Variants in GIGYF2 observed in about 807,000 individuals in gnomAD.
The protein encoded by GIGYF2 is GRB10-interacting GYF protein 2.
Under a neutral mutation model 208.1 loss-of-function variants are expected in GIGYF2, and 25 were observed. The ratio of observed to expected loss-of-function variants is 0.12; its 90% CI spans 0.09 to 0.17. The LOEUF is 0.17. GIGYF2 is among the 10% of genes least tolerant of loss of function. The pLI is 1.00. For synonymous variants in GIGYF2, 534 were observed against 543.8 expected (o/e 0.98, Z 0.25); for missense variants, 1,302 against 1,579.4 (o/e 0.82, Z 2.98).
At chr2:232,776,329 A>T in intron 8 of GIGYF2, 1 of 727,966 alleles carries the variant, frequency 1.4e-6, no homozygotes, top group Non-Finnish European at 2.4e-6. Context: ...ACTATAGATA[A>T]TGTCTTTGTT....
chr2:232,833,594 A>G (rs938749358), intron 22 of GIGYF2, among the ~76,000 whole-genome samples: 3 of 152,240 alleles, frequency 2.0e-5, no homozygotes, highest in East Asian at 3.8e-4. Flanking sequence ...ATGAGCAGCA[A>G]TGCAGGCAAA....
In GIGYF2 at chr2:232,844,077, C is replaced by T. The variant is rs773310931; in HGVS notation, c.2921C>T (p.Ala974Val). The change falls in exon 24 of 29, where the codon GCT becomes GTT. Residue 974 changes from alanine to valine, a missense_variant. By Grantham distance (64) the Ala-to-Val change is moderately conservative (BLOSUM62 0). Around this residue, in one of 8 missense-constraint regions of GIGYF2, gnomAD observed 701 missense variants for 793.0 expected, o/e 0.88. Transcript: ENST00000373563. ...CGCCAGCAGAGGGAGTTGATGAAAGCTCTTCAGCAGCAGCAGCAACAGCAA... is the reference window on the plus strand; with the variant it reads ...CGCCAGCAGAGGGAGTTGATGAAAGTTCTTCAGCAGCAGCAGCAACAGCAA... ...QRRQQRELMKALQQQQQQQQQ... is the reference protein window; with the variant it reads ...QRRQQRELMKVLQQQQQQQQQ... The T allele has an allele frequency of 1.2e-6, 2 of 1,611,942 alleles. No homozygotes were observed. The highest frequency in any genetic ancestry group is 1.7e-5 in the Admixed American group (1 of 59,914).
chr2:232,851,331 G>A lies in GIGYF2; in HGVS notation c.3832+922G>A, dbSNP rs1574955699. Among the ~76,000 whole-genome samples, 3 of 152,246 alleles carry A rather than the reference G, an allele frequency of 2.0e-5. No individual in the cohort carries two copies. In the South Asian group the frequency reaches 6.2e-4, roughly 32 times the overall value. On this transcript the variant is annotated intron_variant, in intron 28 of 28. Transcript: ENST00000373563. ...TCTGAATTTGGGCTTTGAAAGAATG[G>A]CAGAAAGGATGGGGAATATTGTTTC... is the stretch of plus-strand genomic sequence containing the variant.
At chr2:232,787,597 TTTCA>T (rs1699954996) in intron 9 of GIGYF2, among the ~76,000 whole-genome samples, 1 of 152,050 alleles carries the variant, frequency 6.6e-6, no homozygotes, top group South Asian at 2.1e-4. Context: ...GAAATGAGGG[TTTCA>T]TTCAGTTTTG....
chr2:232,768,921 C>T, intron 8 of GIGYF2: 1 of 950,498 alleles, frequency 1.1e-6, no homozygotes, highest in South Asian at 1.8e-5. Context: ...TGGTGCCATG[C>T]CTTTCAGTGA....
intron 3 of GIGYF2, among the ~76,000 whole-genome samples, chr2:232,746,093 A>T (rs1312648628): frequency 6.6e-6 from 1 of 152,100 alleles, no homozygotes; most frequent in Non-Finnish European, 1.5e-5. Flanking sequence ...CCCTGTCTCT[A>T]CAGAAAATAC....
At chr2:232,762,527 A>G (rs1698788403) in intron 8 of GIGYF2, among the ~76,000 whole-genome samples, 1 of 152,130 alleles carries the variant, frequency 6.6e-6, no homozygotes, top group South Asian at 2.1e-4. Context: ...CTGGAATTAC[A>G]GGCATGAGCC....
In GIGYF2 at chr2:232,794,837, C is replaced by G. The variant is rs1238188893; in HGVS notation, c.1372C>G (p.Pro458Ala). Residue 458 changes from proline (P) to alanine (A), a missense_variant, in exon 13 of 29, where the codon CCT (proline) becomes GCT (alanine). By Grantham distance (27) the Pro-to-Ala change is conservative. Transcript: ENST00000373563. ...CATACTTCCACCTCCTGTTCCCAATCCTAGTCCTACTCTCCGGCCAGTTGA... is the reference window on the plus strand; with the variant it reads ...CATACTTCCACCTCCTGTTCCCAATGCTAGTCCTACTCTCCGGCCAGTTGA... ...LLILPPPVPN[P>A]SPTLRPVETP... The G allele has an allele frequency of 1.2e-6, 2 of 1,613,632 alleles. No individual in the cohort carries two copies. The highest frequency in any genetic ancestry group is 1.7e-6 in the Non-Finnish European group (2 of 1,179,674).
chr2:232,708,816 CA>C (rs1327557571), intron 2 of GIGYF2, among the ~76,000 whole-genome samples: 37 of 144,534 alleles, frequency 2.6e-4, no homozygotes, highest in African/African-American at 5.6e-4. Flanking sequence ...GACTCTGTCT[CA>C]AAAAAAAAAA....
rs397840384 is a variant in GIGYF2 at position 232,811,232 on chromosome 2, T to TA, written c.1899-11dup. On this transcript the variant is annotated splice_polypyrimidine_tract_variant and intron_variant, in intron 16 of 28. Transcript: ENST00000373563. ...GATTGACAGGTTATACTTTTTTTTT[T>TA]ACTTTTTGAAGACAACAATATGCAC... 1.4e-6 allele frequency: 2 copies of TA among 1,474,886 alleles called. No individual in the cohort carries two copies. The highest frequency in any genetic ancestry group is 4.5e-5 in the East Asian group (2 of 44,198). 91.4% of individuals were successfully genotyped at this position (1,474,886 alleles called of 1,614,324 possible).
intron 8 of GIGYF2, among the ~76,000 whole-genome samples, chr2:232,779,718 ACACTG>A (rs1345344437): frequency 6.6e-6 from 1 of 152,176 alleles, no homozygotes; most frequent in Non-Finnish European, 1.5e-5. Flanking sequence ...AGATTCTGAT[ACACTG>A]CAGTTTCTCC....
At chr2:232,754,967 A>C (rs558422878) in intron 5 of GIGYF2, among the ~76,000 whole-genome samples, 5 of 152,226 alleles carry the variant, frequency 3.3e-5, no homozygotes, top group African/African-American at 1.2e-4. Context: ...TTCTGAAAAA[A>C]CTAGCTAGGA....
At chr2:232,791,645 G>T (rs73102274) in intron 12 of GIGYF2, among the ~76,000 whole-genome samples, 199 bp downstream of exon 12, 1 of 152,160 alleles carries the variant, frequency 6.6e-6, no homozygotes, top group Admixed American at 6.5e-5. Context: ...AACAGAGTTC[G>T]AATCTGCAAG....
At chr2:232,738,904 T>C (rs1219758291) in intron 3 of GIGYF2, among the ~76,000 whole-genome samples, 1 of 152,336 alleles carries the variant, frequency 6.6e-6, no homozygotes, top group East Asian at 1.9e-4. Context: ...TCCTGTGTGT[T>C]TGCTCTTGAC....
chr2:232,758,362 T>A (rs1224827984), intron 6 of GIGYF2, among the ~76,000 whole-genome samples: 5 of 152,162 alleles, frequency 3.3e-5, no homozygotes, highest in Non-Finnish European at 7.4e-5. Flanking sequence ...GTCATTTTAT[T>A]TGGTTAGGTT....
chr2:232,717,093 C>T (rs7591176), intron 2 of GIGYF2, among the ~76,000 whole-genome samples: 1 of 151,766 alleles, frequency 6.6e-6, no homozygotes, highest in Non-Finnish European at 1.5e-5. Context: ...GGATTACAGG[C>T]GTGAGCCACC....
At chr2:232,817,125 C>T in intron 20 of GIGYF2, 93 bp downstream of exon 20, 1 of 981,456 alleles carries the variant, frequency 1.0e-6, no homozygotes, top group Non-Finnish European at 1.7e-6. Context: ...TCCTGAAGTC[C>T]ACAGGATTGG....
chr2:232,822,297 A>G (rs1179015587), intron 21 of GIGYF2, among the ~76,000 whole-genome samples: 4 of 152,186 alleles, frequency 2.6e-5, no homozygotes, highest in African/African-American at 9.6e-5. Flanking sequence ...GTTTTTTCTC[A>G]GTACCATTTT....
intron 8 of GIGYF2, chr2:232,768,564 A>G: frequency 6.2e-7 from 1 of 1,614,196 alleles, no homozygotes; most frequent in Non-Finnish European, 8.5e-7. Flanking sequence ...TGGAAAGATG[A>G]AGAATGGACA....
Sources: allele counts gnomAD v4.1 joint callset (sites outside exome capture counted in the v4.1 genomes callset), GRCh38; gene constraint gnomAD v4.1.1; regional missense constraint gnomAD v4.1.1; transcripts MANE v1.5; gene names NCBI Gene and HGNC (gene_info 2026-07-23, HGNC 2026-07-21).